The following CTNNA3 variants were observed in gnomAD, a reference collection of about 807,000 sequenced individuals.
CTNNA3 encodes catenin alpha-3.
A neutral mutation model predicts 95.7 loss-of-function variants in CTNNA3; 76 were observed. That is an observed-to-expected ratio of 0.79 (90% CI 0.66 to 0.96). The LOEUF (loss-of-function observed/expected upper bound fraction) is 0.96. Among genes scored for constraint, CTNNA3 ranks in the 40% least tolerant of loss-of-function variants. CTNNA3 has a pLI of 0.00. For synonymous variants in CTNNA3, 431 were observed against 374.4 expected (o/e 1.15, Z -1.74); for missense variants, 1,191 against 1,089.8 (o/e 1.09, Z -1.31).
intron 11 of CTNNA3, among the ~76,000 whole-genome samples, chr10:66,481,461 CTTTTTTTTTTTTTT>C (rs148278459): frequency 1.2e-3 from 85 of 73,204 alleles, no homozygotes; most frequent in Non-Finnish European, 2.9e-4. Flanking sequence ...TCCCTTGTTT[CTTTTTTTTTTTTTT>C]TTTTTTTTTT....
At chr10:67,282,759 T>C (rs1839449047) in intron 5 of CTNNA3, among the ~76,000 whole-genome samples, 2 of 152,092 alleles carry the variant, frequency 1.3e-5, no homozygotes, top group African/African-American at 2.4e-5. Flanking sequence ...ACTTTCAAGA[T>C]TGGGGCTCAG....
intron 13 of CTNNA3, among the ~76,000 whole-genome samples, chr10:66,248,899 A>G (rs1185119742): frequency 2.6e-5 from 4 of 152,124 alleles, no homozygotes; most frequent in African/African-American, 4.8e-5. Context: ...AAATTATATT[A>G]ACACTACAAA....
intron 15 of CTNNA3, among the ~76,000 whole-genome samples, chr10:66,052,982 T>C (rs2079994492): frequency 6.6e-6 from 1 of 152,056 alleles, no homozygotes. Context: ...ATAGAATATA[T>C]TCATTAAAGT....
intron 5 of CTNNA3, among the ~76,000 whole-genome samples, chr10:67,257,994 T>C (rs538265076): frequency 1.1e-4 from 16 of 152,296 alleles, no homozygotes; most frequent in African/African-American, 3.8e-4. Flanking sequence ...CCAACATTTA[T>C]TAAGGGCCTA....
At chr10:67,295,969 T>C (rs902511009) in intron 5 of CTNNA3, among the ~76,000 whole-genome samples, 33 of 152,184 alleles carry the variant, frequency 2.2e-4, no homozygotes, top group African/African-American at 7.5e-4. Context: ...CGCAGTTCAT[T>C]GCAGTGCCAC....
At chr10:67,290,551 C>T (rs2132467304) in intron 5 of CTNNA3, among the ~76,000 whole-genome samples, 1 of 152,208 alleles carries the variant, frequency 6.6e-6, no homozygotes, top group East Asian at 1.9e-4. Context: ...TGTGTATTAT[C>T]ACTTTGAATC....
chr10:66,138,927 A>T (rs1554862449), intron 13 of CTNNA3, among the ~76,000 whole-genome samples: 1 of 151,926 alleles, frequency 6.6e-6, no homozygotes, highest in Non-Finnish European at 1.5e-5. Context: ...TTTACACATC[A>T]CTCTCTCTAA....
chr10:67,675,813 T>A (rs1840524415), intron 1 of CTNNA3, among the ~76,000 whole-genome samples: 1 of 152,150 alleles, frequency 6.6e-6, no homozygotes. Flanking sequence ...TGTCAACTGG[T>A]AGTTTTTGTT....
chr10:67,713,498 A>C (rs540451570), intron 1 of CTNNA3, among the ~76,000 whole-genome samples: 40 of 152,352 alleles, frequency 2.6e-4, no homozygotes, highest in African/African-American at 9.4e-4. Context: ...TGTTTATTGC[A>C]GCGCTATTCA....
rs530744531 is a variant in CTNNA3 at position 66,372,232 on chromosome 10, T to A, written c.1732+6920A>T. On this transcript the variant is annotated intron_variant, in intron 12 of 17. Transcript: ENST00000433211. The stretch of plus-strand genomic sequence containing the variant: ...CTTAATACTTCATGTCTAATCTTTT[T>A]AAACATAAATTATTTTTCTATTGCC... Among the ~76,000 whole-genome samples the A allele has an allele frequency of 2.6e-5, 4 of 152,334 alleles. No homozygotes were observed. The South Asian group carries it at 8.3e-4, about 32-fold the overall frequency.
intron 9 of CTNNA3, among the ~76,000 whole-genome samples, chr10:66,657,620 G>A (rs2394273): frequency 0.66 from 99,639 of 151,974 alleles, 33,500 homozygotes; most frequent in East Asian, 0.95. Context: ...CTATATTACT[G>A]AGCAATGTAC....
intron 3 of CTNNA3, among the ~76,000 whole-genome samples, chr10:67,581,859 A>G (rs187813314): frequency 6.6e-6 from 1 of 152,262 alleles, no homozygotes; most frequent in African/African-American, 2.4e-5. Flanking sequence ...AAGTGTTTAT[A>G]GTATTCTCTG....
At chr10:66,716,950 C>T (rs35086419) in intron 9 of CTNNA3, among the ~76,000 whole-genome samples, 4,919 of 151,846 alleles carry the variant, frequency 0.032, 210 homozygotes, top group East Asian at 0.22. Flanking sequence ...TCTTAATCAA[C>T]TGACTTTAAT....
rs186936155 is a variant in CTNNA3, at chr10:66,792,539, G to C, written c.1048-17015C>G. Reference sequence around the variant, plus strand: ...TTTGAGTAGCAAGGATGTAGAGTAAGTGGAATACTCCAATCTAAATCCAAC... The same window carrying C: ...TTTGAGTAGCAAGGATGTAGAGTAACTGGAATACTCCAATCTAAATCCAAC... On this transcript the variant is annotated intron_variant, in intron 7 of 17. Transcript: ENST00000433211. 1.2e-3 allele frequency among the ~76,000 whole-genome samples: 176 copies of C among 152,216 alleles called. 1 individual carries two copies. The highest frequency in any genetic ancestry group is 0.01 in the Middle Eastern group (3 of 294).
chr10:66,481,470 T>C (rs1052413615), intron 11 of CTNNA3, among the ~76,000 whole-genome samples: 5 of 113,578 alleles, frequency 4.4e-5, no homozygotes, highest in Admixed American at 2.5e-4. Context: ...TCTTTTTTTT[T>C]TTTTTTTTTT....
intron 7 of CTNNA3, among the ~76,000 whole-genome samples, chr10:66,890,721 G>A (rs1845235303): frequency 6.6e-6 from 1 of 152,158 alleles, no homozygotes; most frequent in Non-Finnish European, 1.5e-5. Context: ...TTTAAGGAAG[G>A]TCCAAGAGAA....
chr10:66,033,275 C>A (rs552725519), intron 15 of CTNNA3, among the ~76,000 whole-genome samples: 1 of 151,662 alleles, frequency 6.6e-6, no homozygotes, highest in Non-Finnish European at 1.5e-5. Context: ...GGACTACAGG[C>A]GCCCACCACC....
intron 1 of CTNNA3, among the ~76,000 whole-genome samples, chr10:67,686,119 C>T (rs1265419276): frequency 6.6e-6 from 1 of 152,232 alleles, no homozygotes; most frequent in Non-Finnish European, 1.5e-5. Flanking sequence ...TAGGAACTCC[C>T]TTTCTTTCCA....
In CTNNA3 at chr10:66,416,486, C is replaced by A. The variant is rs1278896234; in HGVS notation, c.1532-37134G>T. Among the ~76,000 whole-genome samples the A allele has an allele frequency of 2.6e-5, 4 of 151,770 alleles. No individual in the cohort carries two copies. The East Asian group carries it at 5.8e-4, about 22-fold the overall frequency. On this transcript the variant is annotated intron_variant, in intron 11 of 17. Coordinates refer to ENST00000433211, the MANE Select transcript of CTNNA3 (RefSeq NM_013266.4). ...CCAAACAGACACAATACAAAAAGTT[C>A]TTCTTCATGGTATACTATAGTTAAA... is the stretch of plus-strand genomic sequence containing the variant.
Sources: allele counts gnomAD v4.1 joint callset (sites outside exome capture counted in the v4.1 genomes callset), GRCh38; gene constraint gnomAD v4.1.1; transcripts MANE v1.5; gene names NCBI Gene and HGNC (gene_info 2026-07-23, HGNC 2026-07-21).